PKHD1: variants seen among roughly 807,000 people sequenced by gnomAD.
PKHD1 encodes the protein fibrocystin.
In PKHD1, 291 loss-of-function variants were observed where a neutral mutation model predicts 412.0. The observed-to-expected ratio is 0.71, with a 90% CI of 0.64 to 0.78. The LOEUF (loss-of-function observed/expected upper bound fraction) is 0.78, where lower values mean the gene tolerates loss of function less well. Among genes scored for constraint, PKHD1 ranks in the 30% least tolerant of loss-of-function variants. PKHD1 has a pLI of 0.00. For missense variants in PKHD1, 4,825 were observed against 4,950.7 expected (o/e 0.97, Z 0.76); for synonymous variants, 1,777 against 1,821.5 (o/e 0.98, Z 0.62).
chr6:51,936,756 A>G (rs1272268721), intron 36 of PKHD1, among the ~76,000 whole-genome samples: 1 of 146,526 alleles, frequency 6.8e-6, no homozygotes, highest in African/African-American at 2.6e-5. Context: ...ACCAGCATTA[A>G]CATTAAAACA....
intron 53 of PKHD1, among the ~76,000 whole-genome samples, chr6:51,788,228 T>A (rs2148452): frequency 3.0e-4 from 45 of 151,892 alleles, no homozygotes; most frequent in Non-Finnish European, 4.6e-4. Context: ...GCAGGACTAA[T>A]GGCATGACCT....
At chr6:51,955,394 C>T (rs898618918) in intron 36 of PKHD1, among the ~76,000 whole-genome samples, 1 of 152,028 alleles carries the variant, frequency 6.6e-6, no homozygotes, top group African/African-American at 2.4e-5. Flanking sequence ...TGACACAAAA[C>T]ATTGGGGCCA....
intron 36 of PKHD1, among the ~76,000 whole-genome samples, chr6:51,936,525 AC>A (rs1787508933): frequency 6.6e-6 from 1 of 152,188 alleles, no homozygotes; most frequent in Admixed American, 6.5e-5. Context: ...TTAAACATGC[AC>A]TGGAGAAATG....
intron 65 of PKHD1, among the ~76,000 whole-genome samples, chr6:51,627,412 A>G (rs1030618482): frequency 6.6e-6 from 1 of 150,878 alleles, no homozygotes; most frequent in African/African-American, 2.4e-5. Flanking sequence ...TACACACTCA[A>G]TTTTGAAAAA....
At chr6:52,030,760 A>C (rs1802918819) in intron 29 of PKHD1, among the ~76,000 whole-genome samples, 1 of 152,136 alleles carries the variant, frequency 6.6e-6, no homozygotes. Flanking sequence ...TGGGACAGAG[A>C]GCTCCAAAGG....
At chr6:52,001,581 C>G (rs1027890773) in intron 35 of PKHD1, among the ~76,000 whole-genome samples, 5 of 151,948 alleles carry the variant, frequency 3.3e-5, no homozygotes, top group Non-Finnish European at 5.9e-5. Context: ...AGGCGCCCAC[C>G]ACCACACCCG....
chr6:51,981,731 A>G (rs1408553154), intron 35 of PKHD1, among the ~76,000 whole-genome samples: 1 of 142,794 alleles, frequency 7.0e-6, no homozygotes, highest in Non-Finnish European at 1.6e-5. Context: ...GCCTCTGCCC[A>G]GCCGCCACCC....
chr6:51,953,861 T>C (rs1228954716), intron 36 of PKHD1, among the ~76,000 whole-genome samples: 3 of 152,040 alleles, frequency 2.0e-5, no homozygotes, highest in Non-Finnish European at 4.4e-5. Context: ...CAGAAAAACA[T>C]GTTTCTGTGA....
In PKHD1 at chr6:52,039,526, T is replaced by G. The variant is rs548001415; in HGVS notation, c.3097+3333A>C. On this transcript the variant is annotated intron_variant, in intron 27 of 66. Coordinates refer to ENST00000371117, the MANE Select transcript of PKHD1 (RefSeq NM_138694.4). ...TTCCTGAGGAATCCCCAGTCAAGCC[T>G]CCTGTATAGCCTGCTGAACTGTGAG... Among the ~76,000 whole-genome samples the G allele has an allele frequency of 2.0e-5, 3 of 152,332 alleles. No homozygotes were observed. In the South Asian group the frequency reaches 6.2e-4, roughly 32 times the overall value.
chr6:52,043,514 CT>C, intron 26 of PKHD1, 110 bp downstream of exon 26: 1 of 781,740 alleles, frequency 1.3e-6, no homozygotes, highest in Non-Finnish European at 2.2e-6. Context: ...CAACCTCTGC[CT>C]AATGAACTAA....
At chr6:51,970,659 G>A (rs1431464264) in intron 35 of PKHD1, among the ~76,000 whole-genome samples, 1 of 152,110 alleles carries the variant, frequency 6.6e-6, no homozygotes, top group Non-Finnish European at 1.5e-5. Context: ...AGTTTCATGT[G>A]CCTGCATATG....
intron 60 of PKHD1, among the ~76,000 whole-genome samples, chr6:51,690,837 T>C (rs1369471898): frequency 1.3e-5 from 2 of 152,150 alleles, no homozygotes; most frequent in South Asian, 2.1e-4. Context: ...AATAAATAGC[T>C]TCTGCACAGA....
intron 36 of PKHD1, among the ~76,000 whole-genome samples, chr6:51,936,900 C>T (rs974044570): frequency 1.3e-5 from 2 of 152,178 alleles, no homozygotes; most frequent in African/African-American, 2.4e-5. Context: ...ATATATTAAA[C>T]GGCCCTGCAA....
chr6:51,748,612 A>T lies in PKHD1; in HGVS notation c.9004T>A (p.Ser3002Thr). ...GACACATTACTGAATTCAACAGATG[A>T]GTACAATGGTGACCCGAAGTTCTGA... is the stretch of plus-strand genomic sequence containing the variant. ...EIQNFGSPLY[S>T]SVEFSNVSAG... Residue 3002 changes from serine to threonine, a missense_variant, in exon 58 of 67, where the codon TCA (serine) becomes ACA (threonine). Ser to Thr is a moderately conservative substitution (Grantham distance 58, BLOSUM62 1). Coordinates refer to ENST00000371117, the MANE Select transcript of PKHD1 (RefSeq NM_138694.4). 6.2e-7 allele frequency: 1 copy of T among 1,613,700 alleles called. No individual in the cohort carries two copies. Among genetic ancestry groups the T allele is most frequent in the Non-Finnish European group, 8.5e-7 (1 of 1,179,672 alleles).
At chr6:52,009,606 C>G (rs1313649926) in intron 35 of PKHD1, among the ~76,000 whole-genome samples, 2 of 152,010 alleles carry the variant, frequency 1.3e-5, no homozygotes, top group Non-Finnish European at 2.9e-5. Context: ...CCGTGAGAAG[C>G]CTGGGGAGCT....
intron 52 of PKHD1, among the ~76,000 whole-genome samples, chr6:51,827,791 C>T (rs1767569489): frequency 6.6e-6 from 1 of 152,104 alleles, no homozygotes; most frequent in Admixed American, 6.6e-5. Flanking sequence ...GCGCTTGGAA[C>T]TGTGCCTTGA....
Position 51,727,450 on chromosome 6 carries a change from G to A in PKHD1, c.10156+16935C>T, listed in dbSNP as rs563086768. ...TGGAACAGGAGAGAAAGGAAAGTACGCTTGATAGAGATCCAAGTGGGTGAC... is the reference window on the plus strand; with the variant it reads ...TGGAACAGGAGAGAAAGGAAAGTACACTTGATAGAGATCCAAGTGGGTGAC... On this transcript the variant is annotated intron_variant, in intron 60 of 66. Coordinates refer to ENST00000371117, the MANE Select transcript of PKHD1 (RefSeq NM_138694.4). Among the ~76,000 whole-genome samples, 7 of 152,304 alleles carry A rather than the reference G, an allele frequency of 4.6e-5. No homozygotes were observed. The East Asian group carries it at 7.7e-4, about 17-fold the overall frequency.
chr6:51,686,299 A>T (rs894000070), intron 60 of PKHD1, among the ~76,000 whole-genome samples: 7 of 152,174 alleles, frequency 4.6e-5, no homozygotes, highest in African/African-American at 1.7e-4. Flanking sequence ...CTTTCCAAAG[A>T]ACCAGAACGC....
chr6:51,897,810 TGGAG>T (rs1201685635), intron 43 of PKHD1, among the ~76,000 whole-genome samples: 11 of 144,090 alleles, frequency 7.6e-5, no homozygotes, highest in African/African-American at 2.9e-4. Context: ...AATAAAAGGA[TGGAG>T]GAAGATCTAC....
Sources: gnomAD v4.1 joint callset for allele counts (sites outside exome capture counted in the v4.1 genomes callset) on GRCh38, gnomAD v4.1.1 for gene constraint, MANE v1.5 for transcripts, NCBI Gene and HGNC (gene_info 2026-07-23, HGNC 2026-07-21) for gene names.